CAMTA1: variants seen among roughly 807,000 people sequenced by gnomAD.
CAMTA1 encodes calmodulin-binding transcription activator 1.
Under a neutral mutation model 170.9 loss-of-function variants are expected in CAMTA1, and 27 were observed. That is an observed-to-expected ratio of 0.16 (90% CI 0.12 to 0.22). The LOEUF is 0.22. CAMTA1 is among the 10% of genes least tolerant of loss of function. The pLI is 1.00. For synonymous variants in CAMTA1, 833 were observed against 891.5 expected (o/e 0.93, Z 1.17); for missense variants, 1,619 against 2,217.2 (o/e 0.73, Z 5.42).
At chr1:6,857,342 A>G (rs1023677567) in intron 3 of CAMTA1, among the ~76,000 whole-genome samples, 2 of 152,230 alleles carry the variant, frequency 1.3e-5, no homozygotes, top group Non-Finnish European at 2.9e-5. Flanking sequence ...GGCTTAAGTC[A>G]TTACATGGCA....
chr1:7,421,978 T>C (rs1163681140), intron 5 of CAMTA1, among the ~76,000 whole-genome samples: 1 of 100,998 alleles, frequency 9.9e-6, no homozygotes, highest in Non-Finnish European at 2.2e-5. Context: ...GCTGGGGGAG[T>C]GGAGGAGGGC....
At chr1:7,332,705 G>C (rs2083107497) in intron 5 of CAMTA1, among the ~76,000 whole-genome samples, 1 of 152,334 alleles carries the variant, frequency 6.6e-6, no homozygotes, top group Admixed American at 6.5e-5. Context: ...TGTACTTGGT[G>C]AGCCAATCCA....
intron 3 of CAMTA1, among the ~76,000 whole-genome samples, chr1:6,835,987 G>A (rs931237452): frequency 3.3e-5 from 5 of 152,048 alleles, no homozygotes; most frequent in Admixed American, 2.0e-4. Flanking sequence ...CTTCATATCC[G>A]TTTGGCTCAA....
intron 5 of CAMTA1, among the ~76,000 whole-genome samples, chr1:7,250,030 C>T (rs1666380737): frequency 6.7e-6 from 1 of 149,536 alleles, no homozygotes; most frequent in Non-Finnish European, 1.5e-5. Context: ...GCTGGCAGGC[C>T]CCTCACAGAG....
At chr1:7,587,828 A>T (rs1301036679) in intron 6 of CAMTA1, among the ~76,000 whole-genome samples, 2 of 152,066 alleles carry the variant, frequency 1.3e-5, no homozygotes, top group South Asian at 4.1e-4. Flanking sequence ...TGGGAGGGTC[A>T]TGGGGAACAG....
Position 7,232,466 on chromosome 1 carries a change from T to G in CAMTA1, c.303-17025T>G, listed in dbSNP as rs375526324. Among the ~76,000 whole-genome samples, 209 of 152,370 alleles carry G rather than the reference T, an allele frequency of 1.4e-3. 6 individuals carry two copies. In the Middle Eastern group the frequency reaches 0.031, roughly 22 times the overall value. On this transcript the variant is annotated intron_variant, in intron 4 of 22. Transcript: ENST00000303635. Reference sequence around the variant, plus strand: ...CAGTTCCTAGACAAAACAATTCTATTTTAATGCACAGAATTCCTATCTTGG... The same window carrying G: ...CAGTTCCTAGACAAAACAATTCTATGTTAATGCACAGAATTCCTATCTTGG...
intron 3 of CAMTA1, among the ~76,000 whole-genome samples, chr1:6,901,402 A>G (rs1676905049): frequency 6.6e-6 from 1 of 152,232 alleles, no homozygotes; most frequent in Non-Finnish European, 1.5e-5. Flanking sequence ...AAATTAAAAA[A>G]TCCTGTTCTT....
At chr1:7,751,058 T>C (rs1482176432) in intron 19 of CAMTA1, 141 bp from the exon 20 acceptor site, 1 of 775,050 alleles carries the variant, frequency 1.3e-6, no homozygotes, top group Non-Finnish European at 2.3e-6. Context: ...TTTGCCTCTT[T>C]TGTGATTAAA....
chr1:7,716,608 G>A (rs2096611678), intron 11 of CAMTA1, among the ~76,000 whole-genome samples: 1 of 145,044 alleles, frequency 6.9e-6, no homozygotes, highest in Non-Finnish European at 1.5e-5. Context: ...GGAACGTCTT[G>A]GGCTTTAACT....
chr1:6,794,880 C>CTTTTTTTTTTTTTTTTTTT (rs1305335139), intron 1 of CAMTA1, among the ~76,000 whole-genome samples: 254 of 141,818 alleles, frequency 1.8e-3, no homozygotes, highest in East Asian at 5.6e-3. Context: ...TAGATAAAGG[C>CTTTTTTTTTTTTTTTTTTT]TTTTTTTTTG....
chr1:7,112,324 G>T (rs977610910), intron 4 of CAMTA1, among the ~76,000 whole-genome samples: 5 of 152,066 alleles, frequency 3.3e-5, no homozygotes, highest in Non-Finnish European at 7.3e-5. Flanking sequence ...AATTCCTGTG[G>T]GTAATTTTAA....
At chr1:7,236,344 C>T (rs1663854471) in intron 4 of CAMTA1, among the ~76,000 whole-genome samples, 1 of 152,212 alleles carries the variant, frequency 6.6e-6, no homozygotes, top group Admixed American at 6.5e-5. Context: ...TTTCCCTCCC[C>T]TTGCAACAAA....
At chr1:7,132,523 ACT>A (rs1186824632) in intron 4 of CAMTA1, among the ~76,000 whole-genome samples, 2 of 152,096 alleles carry the variant, frequency 1.3e-5, no homozygotes, top group African/African-American at 4.8e-5. Context: ...ATAATTATAG[ACT>A]CTCAAGAAGT....
chr1:7,488,239 C>T lies in CAMTA1; in HGVS notation c.510+20338C>T, dbSNP rs551494219. On this transcript the variant is annotated intron_variant, in intron 6 of 22. Transcript: ENST00000303635. ...GTGACCAGAGCCTTTCCAGCAGCAG[C>T]GCCTGGACAGGGGGCTGGAGCAGCT... 4.6e-5 allele frequency among the ~76,000 whole-genome samples: 7 copies of T among 152,308 alleles called. No individual in the cohort carries two copies. The South Asian group carries it at 8.3e-4, about 18-fold the overall frequency.
intron 5 of CAMTA1, among the ~76,000 whole-genome samples, chr1:7,375,160 A>C (rs1010243145): frequency 1.3e-5 from 2 of 152,094 alleles, no homozygotes; most frequent in Non-Finnish European, 2.9e-5. Context: ...TTTTTCCTAG[A>C]AGGTTCTAGA....
intron 3 of CAMTA1, among the ~76,000 whole-genome samples, chr1:6,857,998 G>C (rs192805740): frequency 6.6e-6 from 1 of 152,152 alleles, no homozygotes; most frequent in Non-Finnish European, 1.5e-5. Context: ...AGTTTAGAAT[G>C]GTGCCTGGCA....
Position 6,882,640 on chromosome 1 carries a change from G to T in CAMTA1, c.234+57430G>T, listed in dbSNP as rs567230456. 1.2e-4 allele frequency among the ~76,000 whole-genome samples: 19 copies of T among 152,258 alleles called. No individual in the cohort carries two copies. In the South Asian group the frequency reaches 3.7e-3, roughly 30 times the overall value. On this transcript the variant is annotated intron_variant, in intron 3 of 22. Coordinates refer to ENST00000303635, the MANE Select transcript of CAMTA1 (RefSeq NM_015215.4). ...TTTGCACCTGTTGACTGTAAGATCA[G>T]GTGGAGATGTTCAATAGGCAGTCGT...
At chr1:7,457,058 G>GC (rs1434756753) in intron 5 of CAMTA1, among the ~76,000 whole-genome samples, 2 of 38,542 alleles carry the variant, frequency 5.2e-5, no homozygotes, top group Non-Finnish European at 9.6e-5. Flanking sequence ...CCCCTGCGCC[G>GC]CCGTGCCCCT....
At position 7,067,910 on chromosome 1, in the gene CAMTA1, T is replaced by C. The variant is rs1709167077; in HGVS notation, c.235-23394T>C. Among the ~76,000 whole-genome samples the C allele has an allele frequency of 6.6e-6, 1 of 152,194 alleles. No individual in the cohort carries two copies. The highest frequency in any genetic ancestry group is 1.5e-5 in the Non-Finnish European group (1 of 68,034). ...ATGGCTAGGCACTTCTAGGACAATT[T>C]CCTGGCTCTTAAAAAAGGGTGTATG... On this transcript the variant is annotated intron_variant, in intron 3 of 22. Transcript: ENST00000303635. The surrounding 1 kb of genome is among the most constrained non-coding windows in gnomAD (Gnocchi z 4.3).
Sources: gnomAD v4.1 joint callset for allele counts (sites outside exome capture counted in the v4.1 genomes callset) on GRCh38, gnomAD v4.1.1 for gene constraint, Gnocchi (gnomAD v3.1) non-coding constraint, MANE v1.5 for transcripts, NCBI Gene and HGNC (gene_info 2026-07-23, HGNC 2026-07-21) for gene names.